Variants in LPP observed in about 807,000 individuals in gnomAD.
LPP encodes lipoma-preferred partner.
LPP carries 38 observed loss-of-function variants against 60.4 expected under a neutral mutation model. The ratio of observed to expected loss-of-function variants is 0.63; its 90% CI spans 0.49 to 0.83. The LOEUF (loss-of-function observed/expected upper bound fraction) is 0.83, where lower values mean the gene tolerates loss of function less well. Ranked by LOEUF, LPP falls within the 40% of genes least tolerant of loss-of-function variation. The pLI, the probability that LPP is intolerant of heterozygous loss-of-function variation, is 0.00. For synonymous variants in LPP, 328 were observed against 290.8 expected (o/e 1.13, Z -1.30); for missense variants, 902 against 783.6 (o/e 1.15, Z -1.80).
intron 8 of LPP, among the ~76,000 whole-genome samples, chr3:188,752,099 G>A (rs1179278807): frequency 6.6e-6 from 1 of 152,120 alleles, no homozygotes; most frequent in Non-Finnish European, 1.5e-5. Context: ...TAGTTTAAAG[G>A]AGAAAGAAGT....
chr3:188,627,037 TTAAC>T (rs893059793), intron 7 of LPP, among the ~76,000 whole-genome samples: 6 of 152,154 alleles, frequency 3.9e-5, no homozygotes, highest in Non-Finnish European at 1.5e-5. Flanking sequence ...TATTCATTGA[TTAAC>T]TAACTGTACA....
intron 5 of LPP, among the ~76,000 whole-genome samples, chr3:188,506,890 C>T (rs979947364): frequency 8.8e-4 from 134 of 152,120 alleles, no homozygotes; most frequent in Admixed American, 5.2e-3. Flanking sequence ...CTCCGCCTCC[C>T]GGGTTCACGC....
intron 1 of LPP, among the ~76,000 whole-genome samples, chr3:188,163,523 T>C (rs1267710624): frequency 1.3e-5 from 2 of 152,184 alleles, no homozygotes; most frequent in African/African-American, 4.8e-5. Context: ...CGTTATATGG[T>C]CACCCTACTT....
At chr3:188,524,860 C>A in intron 6 of LPP, 73 bp downstream of exon 6, 1 of 1,451,518 alleles carries the variant, frequency 6.9e-7, no homozygotes, top group Non-Finnish European at 9.2e-7. Flanking sequence ...GAACATGCTG[C>A]ACCTGAGAGC....
intron 4 of LPP, 24 bp from the exon 5 acceptor site, chr3:188,484,568 A>T (rs1341630324): frequency 1.3e-6 from 2 of 1,514,672 alleles, no homozygotes; most frequent in Non-Finnish European, 1.8e-6. Context: ...TATTAACTTC[A>T]TGTTGTTTAC....
chr3:188,680,477 T>C (rs922363698), intron 7 of LPP, among the ~76,000 whole-genome samples: 1 of 152,182 alleles, frequency 6.6e-6, no homozygotes, highest in Admixed American at 6.5e-5. Flanking sequence ...GTATTTGAAA[T>C]AAAGCCAAAA....
At chr3:188,189,957 G>A (rs1727689077) in intron 1 of LPP, among the ~76,000 whole-genome samples, 1 of 152,072 alleles carries the variant, frequency 6.6e-6, no homozygotes, top group South Asian at 2.1e-4. Flanking sequence ...AGAGGAGCAG[G>A]CACGTATTGG....
chr3:188,305,053 A>G (rs1007951233), intron 2 of LPP, among the ~76,000 whole-genome samples: 5 of 152,148 alleles, frequency 3.3e-5, no homozygotes, highest in African/African-American at 4.8e-5. Flanking sequence ...TTTTTTGTTT[A>G]TATCTCTTAG....
chr3:188,721,085 A>G (rs1291598435), intron 8 of LPP, among the ~76,000 whole-genome samples: 2 of 152,082 alleles, frequency 1.3e-5, no homozygotes, highest in African/African-American at 2.4e-5. Context: ...TTTTTACCAT[A>G]TATGTAAACT....
intron 2 of LPP, among the ~76,000 whole-genome samples, chr3:188,325,563 A>C (rs1758200718): frequency 6.6e-6 from 1 of 152,130 alleles, no homozygotes; most frequent in African/African-American, 2.4e-5. Context: ...TCTCTAAAAG[A>C]GTGATTACCA....
intron 5 of LPP, among the ~76,000 whole-genome samples, chr3:188,504,593 C>T (rs548222363): frequency 1.3e-5 from 2 of 152,104 alleles, no homozygotes; most frequent in South Asian, 2.1e-4. Context: ...TTACTGTTAC[C>T]GTTTGTATTT....
chr3:188,804,252 T>TATATATATATAG (rs1748312142), intron 9 of LPP, among the ~76,000 whole-genome samples: 1 of 78,020 alleles, frequency 1.3e-5, no homozygotes, highest in Non-Finnish European at 2.9e-5. Context: ...TTTATATATA[T>TATATATATATAG]ATATATATAT....
intron 1 of LPP, among the ~76,000 whole-genome samples, chr3:188,159,761 C>G (rs1410410488): frequency 6.6e-6 from 1 of 152,150 alleles, no homozygotes; most frequent in Non-Finnish European, 1.5e-5. Context: ...GATTGAGGGA[C>G]TGGGAGTGTA....
chr3:188,371,786 C>T (rs1329670336), intron 3 of LPP, among the ~76,000 whole-genome samples: 1 of 148,658 alleles, frequency 6.7e-6, no homozygotes, highest in Non-Finnish European at 1.5e-5. Context: ...TCCCAAGCAG[C>T]TGGGATTGCA....
rs148035867 is a variant in LPP at position 188,257,071 on chromosome 3, G to T, written c.-67+31544G>T. 1.6e-4 allele frequency among the ~76,000 whole-genome samples: 25 copies of T among 152,268 alleles called. 1 individual carries two copies. In the East Asian group the frequency reaches 4.8e-3, roughly 29 times the overall value. The stretch of plus-strand genomic sequence containing the variant: ...AGTTGTCTGAGGTTATGAGGTCGTG[G>T]TGAAGCCTGATCATGTGACCCCATC... On this transcript the variant is annotated intron_variant, in intron 2 of 11. Coordinates refer to ENST00000617246, the MANE Select transcript of LPP (RefSeq NM_001375462.1).
chr3:188,668,982 G>A (rs905557874), intron 7 of LPP, among the ~76,000 whole-genome samples: 3 of 152,102 alleles, frequency 2.0e-5, no homozygotes, highest in African/African-American at 7.2e-5. Context: ...TTTATTGAAT[G>A]ATCATTATTT....
At chr3:188,277,343 C>A (rs1260607071) in intron 2 of LPP, among the ~76,000 whole-genome samples, 2 of 152,198 alleles carry the variant, frequency 1.3e-5, no homozygotes, top group Non-Finnish European at 2.9e-5. Context: ...AAAGCCATAG[C>A]CTGGCTGCCA....
intron 7 of LPP, among the ~76,000 whole-genome samples, chr3:188,622,127 A>G (rs1450528473): frequency 6.6e-6 from 1 of 152,312 alleles, no homozygotes; most frequent in East Asian, 1.9e-4. Flanking sequence ...TCATCCAGCC[A>G]TCACCCAGAT....
intron 9 of LPP, among the ~76,000 whole-genome samples, chr3:188,835,925 G>T (rs10937373): frequency 4.6e-5 from 7 of 152,318 alleles, no homozygotes; most frequent in Non-Finnish European, 8.8e-5. Flanking sequence ...TCTCAGATGT[G>T]CATCTTGTTC....
Sources: gnomAD v4.1 joint callset for allele counts (sites outside exome capture counted in the v4.1 genomes callset) on GRCh38, gnomAD v4.1.1 for gene constraint, MANE v1.5 for transcripts, NCBI Gene and HGNC (gene_info 2026-07-23, HGNC 2026-07-21) for gene names.